Variants in AFF2 observed in about 807,000 individuals in gnomAD.
The protein encoded by AFF2 is AF4/FMR2 family member 2.
Under a neutral mutation model 76.9 loss-of-function variants are expected in AFF2, and 14 were observed. The observed-to-expected ratio is 0.18, with a 90% CI of 0.12 to 0.28. AFF2 has a LOEUF of 0.28. Among genes scored for constraint, AFF2 ranks in the 10% least tolerant of loss-of-function variants. The pLI is 1.00. For synonymous variants in AFF2, 398 were observed against 366.7 expected (o/e 1.09, Z -0.98); for missense variants, 868 against 1,001.1 (o/e 0.87, Z 1.79).
At chrX:148,807,830 T>C (rs782691661) in intron 3 of AFF2, among the ~76,000 whole-genome samples, 4 of 112,471 alleles carry the variant, frequency 3.6e-5, no homozygotes, top group Admixed American at 9.4e-5. Flanking sequence ...CACTGAACAA[T>C]GGAGTGGGAT....
chrX:148,866,432 C>T (rs541273011), intron 7 of AFF2, among the ~76,000 whole-genome samples: 4 of 112,229 alleles, frequency 3.6e-5, no homozygotes, highest in East Asian at 2.8e-4. Context: ...ACACTAGTAG[C>T]GAACAAAGAA....
intron 3 of AFF2, among the ~76,000 whole-genome samples, chrX:148,781,382 C>T (rs782247943): frequency 2.7e-5 from 3 of 112,248 alleles, no homozygotes; most frequent in Non-Finnish European, 3.8e-5. Context: ...ATATATAAAC[C>T]CCTGATTGGG....
intron 3 of AFF2, among the ~76,000 whole-genome samples, chrX:148,749,739 T>TTC (rs2055473475): frequency 9.0e-6 from 1 of 111,042 alleles, no homozygotes; most frequent in Non-Finnish European, 1.9e-5. Context: ...CCGTCAAATC[T>TTC]TCACAGCACT....
chrX:148,597,965 G>A (rs1221405717), intron 1 of AFF2, among the ~76,000 whole-genome samples: 1 of 112,405 alleles, frequency 8.9e-6, no homozygotes, highest in African/African-American at 3.2e-5. Context: ...TTTGGAAGGT[G>A]AAATAATCAA....
chrX:148,625,853 G>C (rs1557251998), intron 1 of AFF2, among the ~76,000 whole-genome samples: 1 of 111,343 alleles, frequency 9.0e-6, no homozygotes, highest in African/African-American at 3.3e-5. Context: ...GGGAGCTGAT[G>C]ACCCACAGCC....
chrX:148,985,283 GC>G (rs1557291356), intron 19 of AFF2, among the ~76,000 whole-genome samples: 1 of 33,499 alleles, frequency 3.0e-5, no homozygotes, highest in Non-Finnish European at 5.9e-5. Flanking sequence ...CCTGTGCCTG[GC>G]CTTTTTTTTT....
intron 1 of AFF2, among the ~76,000 whole-genome samples, chrX:148,549,969 A>G (rs1394647714): frequency 8.9e-6 from 1 of 112,186 alleles, no homozygotes; most frequent in African/African-American, 3.2e-5. Flanking sequence ...TCTGTGGCTC[A>G]GAGATTGTCT....
chrX:148,865,947 C>T lies in AFF2; in HGVS notation c.1263-19942C>T, dbSNP rs138120473. Reference sequence around the variant, plus strand: ...AATTGCTGTCTGATAATTCTGGCCTCGATAAAACGAGTTGGGCATTTGAGT... The same window carrying T: ...AATTGCTGTCTGATAATTCTGGCCTTGATAAAACGAGTTGGGCATTTGAGT... On this transcript the variant is annotated intron_variant, in intron 7 of 20. Coordinates refer to ENST00000370460, the MANE Select transcript of AFF2 (RefSeq NM_002025.4). Among the ~76,000 whole-genome samples, 13 of 111,700 alleles carry T rather than the reference C, an allele frequency of 1.2e-4. No individual in the cohort carries two copies. The East Asian group carries it at 3.1e-3, about 27-fold the overall frequency.
chrX:148,810,082 C>T (rs1474279960), intron 4 of AFF2, among the ~76,000 whole-genome samples, 162 bp downstream of exon 4: 1 of 112,133 alleles, frequency 8.9e-6, no homozygotes, highest in African/African-American at 3.2e-5. Flanking sequence ...TCATTTCTTG[C>T]CTGTCTTCTT....
chrX:148,567,168 G>A (rs1557241779), intron 1 of AFF2, among the ~76,000 whole-genome samples: 2 of 111,502 alleles, frequency 1.8e-5, no homozygotes, highest in African/African-American at 6.5e-5. Context: ...ACCATGCAGC[G>A]GATTTAGTGT....
At chrX:148,725,493 C>G (rs1278465704) in intron 3 of AFF2, among the ~76,000 whole-genome samples, 1 of 111,628 alleles carries the variant, frequency 9.0e-6, no homozygotes, top group Non-Finnish European at 1.9e-5. Flanking sequence ...GGCACTTCCT[C>G]CAACTTTGTG....
rs1262208120 is a variant in AFF2 at position 148,582,439 on chromosome X, CAA to C, written c.48-69558_48-69557del. 2.7e-5 allele frequency among the ~76,000 whole-genome samples: 3 copies of C among 111,699 alleles called. No individual in the cohort carries two copies. In the East Asian group the frequency reaches 8.4e-4, roughly 31 times the overall value. ...GGACATATGAATATGCTCATTTCTT[CAA>C]AGAGCATATACAAATGTCCAATAAG... On this transcript the variant is annotated intron_variant, in intron 1 of 20. Coordinates refer to ENST00000370460, the MANE Select transcript of AFF2 (RefSeq NM_002025.4).
chrX:148,795,456 T>C (rs1244251947), intron 3 of AFF2, among the ~76,000 whole-genome samples: 2 of 109,790 alleles, frequency 1.8e-5, no homozygotes, highest in Non-Finnish European at 3.8e-5. Flanking sequence ...CTTTTCAGCA[T>C]AGATTGCAAA....
At chrX:148,709,598 T>C (rs782820014) in intron 3 of AFF2, among the ~76,000 whole-genome samples, 1 of 112,399 alleles carries the variant, frequency 8.9e-6, no homozygotes, top group African/African-American at 3.2e-5. Context: ...AATATTACGG[T>C]GTAAAGTACA....
At chrX:148,603,518 T>C (rs1027334958) in intron 1 of AFF2, among the ~76,000 whole-genome samples, 1 of 110,082 alleles carries the variant, frequency 9.1e-6, no homozygotes, top group Admixed American at 9.7e-5. Flanking sequence ...CTAATTCTTT[T>C]GTGTTCTGTA....
rs148948341 is a variant in AFF2, at chrX:148,907,041, G to A, written c.1397+2783G>A. Among the ~76,000 whole-genome samples, 167 of 111,544 alleles carry A rather than the reference G, an allele frequency of 1.5e-3. 1 individual carries two copies. The highest frequency in any genetic ancestry group is 5.0e-3 in the African/African-American group (154 of 30,645). ...CACCACATGGCCCAAGGTTCCATTCGTTGGAATCCATGAGGCCAAGAACCC... is the reference window on the plus strand; with the variant it reads ...CACCACATGGCCCAAGGTTCCATTCATTGGAATCCATGAGGCCAAGAACCC... On this transcript the variant is annotated intron_variant, in intron 9 of 20. Coordinates refer to ENST00000370460, the MANE Select transcript of AFF2 (RefSeq NM_002025.4).
intron 7 of AFF2, among the ~76,000 whole-genome samples, chrX:148,846,994 G>A (rs967890347): frequency 2.0e-4 from 22 of 111,035 alleles, no homozygotes; most frequent in Non-Finnish European, 3.4e-4. Flanking sequence ...TCCGCCTCCC[G>A]GGTTCACGCC....
chrX:148,795,112 G>T (rs56341440), intron 3 of AFF2, among the ~76,000 whole-genome samples: 1,325 of 112,275 alleles, frequency 0.012, 7 homozygotes, highest in Non-Finnish European at 0.019. Context: ...TTGTAACCTG[G>T]CAAGGACTCT....
chrX:148,698,226 A>T (rs782702081), intron 3 of AFF2, among the ~76,000 whole-genome samples: 1 of 112,752 alleles, frequency 8.9e-6, no homozygotes, highest in Non-Finnish European at 1.9e-5. Flanking sequence ...TTGTTAGTCT[A>T]ACTTTTGTTT....
Sources: gnomAD v4.1 joint callset for allele counts (sites outside exome capture counted in the v4.1 genomes callset) on GRCh38, gnomAD v4.1.1 for gene constraint, MANE v1.5 for transcripts, NCBI Gene and HGNC (gene_info 2026-07-23, HGNC 2026-07-21) for gene names.